GPC6: variants seen among roughly 807,000 people sequenced by gnomAD.
GPC6 encodes the protein glypican-6.
A neutral mutation model predicts 55.2 loss-of-function variants in GPC6; 14 were observed. That is an observed-to-expected ratio of 0.25 (90% CI 0.17 to 0.40). The LOEUF (loss-of-function observed/expected upper bound fraction) is 0.40. Among genes scored for constraint, GPC6 ranks in the 10% least tolerant of loss-of-function variants. GPC6 has a pLI of 1.00. For synonymous variants in GPC6, 278 were observed against 259.6 expected (o/e 1.07, Z -0.68); for missense variants, 641 against 708.5 (o/e 0.90, Z 1.08).
In GPC6 at chr13:94,312,076, A is replaced by C. The variant is rs150522082; in HGVS notation, c.1152+5953A>C. On this transcript the variant is annotated intron_variant, in intron 6 of 8. Transcript: ENST00000377047. ...TCCTGAAGAGTTATCACTTCCTTGA[A>C]CATACTGGAATGAATACATATCATA... 2.5e-4 allele frequency among the ~76,000 whole-genome samples: 38 copies of C among 152,268 alleles called. No individual in the cohort carries two copies. In the East Asian group the frequency reaches 7.2e-3, roughly 29 times the overall value.
intron 1 of GPC6, among the ~76,000 whole-genome samples, chr13:93,456,619 T>C (rs529198749): frequency 6.6e-6 from 1 of 152,196 alleles, no homozygotes; most frequent in Non-Finnish European, 1.5e-5. Context: ...AGTCTCACAG[T>C]TCTGGAGGCT....
chr13:93,439,750 A>G (rs988507117), intron 1 of GPC6, among the ~76,000 whole-genome samples: 2 of 152,122 alleles, frequency 1.3e-5, no homozygotes, highest in Non-Finnish European at 2.9e-5. Context: ...TGTCTTTATT[A>G]GCAGCATGAG....
At chr13:93,611,664 G>A (rs144069848) in intron 2 of GPC6, among the ~76,000 whole-genome samples, 185 of 152,286 alleles carry the variant, frequency 1.2e-3, no homozygotes, top group African/African-American at 4.1e-3. Context: ...CATCAGTTGT[G>A]TAGAACAAAG....
At chr13:94,169,040 C>T (rs908820242) in intron 4 of GPC6, among the ~76,000 whole-genome samples, 1 of 152,052 alleles carries the variant, frequency 6.6e-6, no homozygotes, top group Non-Finnish European at 1.5e-5. Context: ...AAGTGGGAGC[C>T]GCTATTAAGG....
intron 2 of GPC6, among the ~76,000 whole-genome samples, chr13:93,562,892 A>G (rs187897122): frequency 1.6e-4 from 24 of 152,272 alleles, no homozygotes; most frequent in Non-Finnish European, 2.8e-4. Context: ...AACATTAGGA[A>G]TTTGCCTGAG....
chr13:94,136,378 A>T (rs1043954834), intron 4 of GPC6, among the ~76,000 whole-genome samples: 1 of 152,166 alleles, frequency 6.6e-6, no homozygotes, highest in African/African-American at 2.4e-5. Context: ...AAGGGTGTGC[A>T]TGGACTGGAT....
chr13:93,760,047 C>T (rs1211433679), intron 2 of GPC6, among the ~76,000 whole-genome samples: 1 of 149,536 alleles, frequency 6.7e-6, no homozygotes, highest in East Asian at 2.0e-4. Flanking sequence ...TCGTGAATAA[C>T]AGGGGCATTA....
intron 7 of GPC6, among the ~76,000 whole-genome samples, chr13:94,386,705 T>C (rs1880427275): frequency 6.6e-6 from 1 of 152,184 alleles, no homozygotes. Flanking sequence ...ATGCCTGAAG[T>C]TTATAAACTC....
chr13:93,776,995 A>G (rs996663607), intron 2 of GPC6, among the ~76,000 whole-genome samples: 17 of 152,284 alleles, frequency 1.1e-4, no homozygotes, highest in African/African-American at 4.1e-4. Flanking sequence ...CCTTATCCAT[A>G]GAGATATCTC....
intron 3 of GPC6, among the ~76,000 whole-genome samples, chr13:94,013,238 G>T (rs1472244052): frequency 6.9e-6 from 1 of 144,126 alleles, no homozygotes; most frequent in African/African-American, 2.5e-5. Context: ...ATATATATAT[G>T]TCCGTTTATA....
chr13:93,988,321 G>A (rs757035502), intron 3 of GPC6, among the ~76,000 whole-genome samples: 5 of 152,052 alleles, frequency 3.3e-5, no homozygotes, highest in Non-Finnish European at 7.4e-5. Flanking sequence ...TTCTTCATCT[G>A]TTGCTATCCC....
intron 4 of GPC6, among the ~76,000 whole-genome samples, chr13:94,034,645 C>T (rs73544033): frequency 0.029 from 4,441 of 152,062 alleles, 183 homozygotes; most frequent in African/African-American, 0.085. Context: ...ATTTCCTTTA[C>T]GCCCAATTCC....
chr13:94,043,480 A>G (rs1439495129), intron 4 of GPC6, among the ~76,000 whole-genome samples: 1 of 151,882 alleles, frequency 6.6e-6, no homozygotes, highest in Non-Finnish European at 1.5e-5. Context: ...TACATACATA[A>G]TCATACTACA....
intron 4 of GPC6, among the ~76,000 whole-genome samples, chr13:94,177,463 G>A (rs1196191943): frequency 6.6e-6 from 1 of 151,900 alleles, no homozygotes; most frequent in Non-Finnish European, 1.5e-5. Flanking sequence ...TAACAGACAA[G>A]TTTTCAACAG....
chr13:94,228,481 A>G (rs778376873), intron 4 of GPC6, among the ~76,000 whole-genome samples: 19 of 152,304 alleles, frequency 1.2e-4, no homozygotes, highest in Admixed American at 3.9e-4. Flanking sequence ...TCTAGAAACT[A>G]TATTTTAGAA....
chr13:94,350,295 C>G (rs1381734769), intron 6 of GPC6, among the ~76,000 whole-genome samples: 1 of 151,980 alleles, frequency 6.6e-6, no homozygotes, highest in Non-Finnish European at 1.5e-5. Flanking sequence ...AATCTCAGTG[C>G]TCAGTCTGCA....
chr13:93,820,934 T>G (rs1202818747), intron 2 of GPC6, among the ~76,000 whole-genome samples: 1 of 152,120 alleles, frequency 6.6e-6, no homozygotes, highest in Non-Finnish European at 1.5e-5. Flanking sequence ...TTTTAACATA[T>G]GAAAATACTG....
chr13:93,280,615 C>T (rs761862210), intron 1 of GPC6, among the ~76,000 whole-genome samples: 3 of 152,324 alleles, frequency 2.0e-5, no homozygotes, highest in Non-Finnish European at 4.4e-5. Flanking sequence ...AAGGTATAGA[C>T]CATTCATGGC....
At chr13:93,228,771 A>G (rs200914242) in intron 1 of GPC6, among the ~76,000 whole-genome samples, 1 of 152,160 alleles carries the variant, frequency 6.6e-6, no homozygotes, top group Non-Finnish European at 1.5e-5. Context: ...CTGAATTTCC[A>G]CCAGCCTCTG....
Sources: allele counts gnomAD v4.1 joint callset (sites outside exome capture counted in the v4.1 genomes callset), GRCh38; gene constraint gnomAD v4.1.1; transcripts MANE v1.5; gene names NCBI Gene and HGNC (gene_info 2026-07-23, HGNC 2026-07-21).